The following EXOC4 variants were observed in gnomAD, a reference collection of about 807,000 sequenced individuals.
EXOC4 encodes SEC8-like 1.
In EXOC4, 71 loss-of-function variants were observed where a neutral mutation model predicts 107.2. That is an observed-to-expected ratio of 0.66 (90% confidence interval 0.55 to 0.81). The LOEUF (loss-of-function observed/expected upper bound fraction) is 0.81, where lower values mean the gene tolerates loss of function less well. EXOC4 is among the 30% of genes least tolerant of loss of function. The pLI is 0.00. For missense variants in EXOC4, 1,108 were observed against 1,189.6 expected (o/e 0.93, Z 1.01); for synonymous variants, 456 against 441.2 (o/e 1.03, Z -0.42).
intron 7 of EXOC4, among the ~76,000 whole-genome samples, chr7:133,450,060 C>T (rs1798307113): frequency 6.6e-6 from 1 of 152,044 alleles, no homozygotes; most frequent in South Asian, 2.1e-4. Context: ...CTTTTCCTTC[C>T]AGCCTGTTTT....
chr7:133,979,377 C>T (rs1007292925), intron 14 of EXOC4, among the ~76,000 whole-genome samples: 3 of 152,106 alleles, frequency 2.0e-5, no homozygotes, highest in Non-Finnish European at 2.9e-5. Context: ...AGGAAATAAA[C>T]GGCGGTCAGG....
At position 133,609,586 on chromosome 7, in the gene EXOC4, CA is replaced by C. The variant is rs1802031268; in HGVS notation, c.1418-20458del. Among the ~76,000 whole-genome samples, 5 of 152,284 alleles carry C rather than the reference CA, an allele frequency of 3.3e-5. No homozygotes were observed. In the South Asian group the frequency reaches 1.0e-3, roughly 32 times the overall value. On this transcript the variant is annotated intron_variant, in intron 9 of 17. Coordinates refer to ENST00000253861, the MANE Select transcript of EXOC4 (RefSeq NM_021807.4). Reference sequence around the variant, plus strand: ...ACTCTCATATTGACACATAAGTAAACATTTATATGTGTAAAGCATAGTTATA... The same window carrying C: ...ACTCTCATATTGACACATAAGTAAACTTTATATGTGTAAAGCATAGTTATA...
chr7:133,469,209 A>G (rs1235134936), intron 7 of EXOC4, among the ~76,000 whole-genome samples: 3 of 152,128 alleles, frequency 2.0e-5, no homozygotes, highest in Non-Finnish European at 4.4e-5. Flanking sequence ...CGAGGTCAGG[A>G]GATCGAGACC....
intron 17 of EXOC4, among the ~76,000 whole-genome samples, chr7:134,020,958 C>T (rs1014437312): frequency 5.3e-5 from 8 of 151,344 alleles, no homozygotes; most frequent in African/African-American, 1.9e-4. Context: ...TGCACTCCAG[C>T]CTGGGCGACA....
At chr7:133,576,505 G>C in intron 9 of EXOC4, 1 of 1,286,912 alleles carries the variant, frequency 7.8e-7, no homozygotes, top group Non-Finnish European at 1.0e-6. Context: ...TATTTAAAAC[G>C]TTTTCTTACA....
intron 1 of EXOC4, among the ~76,000 whole-genome samples, chr7:133,255,238 G>A (rs957221026): frequency 2.0e-5 from 3 of 151,602 alleles, no homozygotes; most frequent in Non-Finnish European, 2.9e-5. Context: ...GTGCAGTGGC[G>A]CGATCTCGGC....
chr7:133,854,447 C>CACACAT (rs1339273791), intron 11 of EXOC4, among the ~76,000 whole-genome samples: 5 of 150,286 alleles, frequency 3.3e-5, no homozygotes, highest in African/African-American at 4.9e-5. Flanking sequence ...CACACACACA[C>CACACAT]ACATACATTT....
chr7:133,469,152 T>C (rs941856667), intron 7 of EXOC4, among the ~76,000 whole-genome samples: 2 of 152,190 alleles, frequency 1.3e-5, no homozygotes, highest in Admixed American at 6.5e-5. Flanking sequence ...ACGCAGTGGC[T>C]CACGCCTGTA....
chr7:133,276,182 T>C (rs1472703388), intron 2 of EXOC4, among the ~76,000 whole-genome samples: 2 of 152,126 alleles, frequency 1.3e-5, no homozygotes, highest in Non-Finnish European at 2.9e-5. Flanking sequence ...CCTTTTGCTG[T>C]AGGTCCTTGA....
At chr7:133,717,369 G>T (rs1356454062) in intron 10 of EXOC4, among the ~76,000 whole-genome samples, 1 of 152,138 alleles carries the variant, frequency 6.6e-6, no homozygotes, top group Non-Finnish European at 1.5e-5. Flanking sequence ...AGTTGTAAGT[G>T]TTTTCTCCCT....
intron 12 of EXOC4, among the ~76,000 whole-genome samples, chr7:133,898,776 G>A (rs959350791): frequency 2.1e-5 from 3 of 141,828 alleles, no homozygotes; most frequent in East Asian, 2.1e-4. Context: ...AAAAGAGTTC[G>A]AGACCAGCCT....
In EXOC4 at chr7:133,690,479, G is replaced by A. The variant is rs558085266; in HGVS notation, c.1514+60338G>A. Among the ~76,000 whole-genome samples, 7 of 152,214 alleles carry A rather than the reference G, an allele frequency of 4.6e-5. No homozygotes were observed. In the South Asian group the frequency reaches 1.2e-3, roughly 27 times the overall value. On this transcript the variant is annotated intron_variant, in intron 10 of 17. Coordinates refer to ENST00000253861, the MANE Select transcript of EXOC4 (RefSeq NM_021807.4). ...TTCTCTCCTTCCTGCTGATGCAGCA[G>A]TGCCTCCTTGGATACAGGATCATTC...
At chr7:133,536,523 T>C (rs1800272895) in intron 9 of EXOC4, among the ~76,000 whole-genome samples, 2 of 152,018 alleles carry the variant, frequency 1.3e-5, no homozygotes, top group Admixed American at 1.3e-4. Context: ...ACCCATTGTC[T>C]ACCCCGTTAC....
intron 8 of EXOC4, chr7:133,479,416 A>C (rs2150857378): frequency 6.6e-6 from 1 of 152,328 alleles, no homozygotes; most frequent in South Asian, 2.1e-4. Context: ...GGTGTGAACA[A>C]ATATTGCGTA....
chr7:133,673,831 T>C (rs113964864), intron 10 of EXOC4, among the ~76,000 whole-genome samples: 249 of 152,354 alleles, frequency 1.6e-3, no homozygotes, highest in African/African-American at 5.8e-3. Context: ...TTTTTCTTGT[T>C]CCTTATATCT....
chr7:133,534,744 T>C (rs1401594648), intron 9 of EXOC4, among the ~76,000 whole-genome samples: 1 of 152,182 alleles, frequency 6.6e-6, no homozygotes, highest in Non-Finnish European at 1.5e-5. Context: ...TTTTTTGTGA[T>C]TTTAGTCAGC....
intron 14 of EXOC4, among the ~76,000 whole-genome samples, chr7:133,942,935 C>G (rs1432585029): frequency 6.6e-6 from 1 of 152,136 alleles, no homozygotes; most frequent in African/African-American, 2.4e-5. Flanking sequence ...CAAGTATTTT[C>G]TAAGTTAGAA....
the EXOC4 span, among the ~76,000 whole-genome samples, chr7:134,099,244 G>T: frequency 6.6e-6 from 1 of 152,064 alleles, no homozygotes; most frequent in African/African-American, 2.4e-5. Context: ...CCAACATTGT[G>T]GCACTTTGGC....
At chr7:134,039,198 G>A (rs1019942944) in intron 17 of EXOC4, among the ~76,000 whole-genome samples, 2 of 152,140 alleles carry the variant, frequency 1.3e-5, no homozygotes, top group Admixed American at 6.5e-5. Context: ...TACTCACGTA[G>A]GTATGGTATA....
Sources: allele counts gnomAD v4.1 joint callset (sites outside exome capture counted in the v4.1 genomes callset), GRCh38; gene constraint gnomAD v4.1.1; transcripts MANE v1.5; gene names NCBI Gene and HGNC (gene_info 2026-07-23, HGNC 2026-07-21).